Variants in USP35 observed in about 807,000 individuals in gnomAD.
The protein encoded by USP35 is ubiquitin specific peptidase 35.
In USP35, 69 loss-of-function variants were observed where a neutral mutation model predicts 83.8. The observed-to-expected ratio is 0.82, with a 90% CI of 0.68 to 1.01. The LOEUF is 1.01. Ranked by LOEUF, USP35 falls within the 50% of genes least tolerant of loss-of-function variation. The pLI, the probability that USP35 is intolerant of heterozygous loss-of-function variation, is 0.00. For missense variants in USP35, 1,503 were observed against 1,362.5 expected (o/e 1.10, Z -1.62); for synonymous variants, 714 against 589.5 (o/e 1.21, Z -3.06).
the USP35 span, among the ~76,000 whole-genome samples, chr11:78,224,178 T>G: frequency 6.6e-6 from 1 of 152,226 alleles, no homozygotes; most frequent in Non-Finnish European, 1.5e-5. Context: ...TGGCATCCAC[T>G]AATAATTTTT....
the USP35 span, among the ~76,000 whole-genome samples, chr11:78,230,397 A>T: frequency 2.2e-4 from 34 of 152,248 alleles, no homozygotes; most frequent in Non-Finnish European, 1.0e-4. Flanking sequence ...TCCTTGATAC[A>T]TCAACACCTT....
In USP35 at chr11:78,208,877, G is replaced by T. The variant is rs929725812; in HGVS notation, c.1506G>T (p.Glu502Asp). 6.2e-7 allele frequency: 1 copy of T among 1,614,194 alleles called. No individual in the cohort carries two copies. The highest frequency in any genetic ancestry group is 8.5e-7 in the Non-Finnish European group (1 of 1,180,032). The change falls in exon 9 of 11, where the codon GAG (glutamate) becomes GAT (aspartate). Residue 502 changes from glutamate to aspartate, a missense_variant. By Grantham distance (45) the Glu-to-Asp change is conservative. Coordinates refer to ENST00000529308, the MANE Select transcript of USP35 (RefSeq NM_020798.4). ...EHSQRPAISP[E>D]NFLSASWTPW... ...CCTAGCGGCCTGCCATTTCCCCAGA[G>T]AACTTCCTCTCCGCATCCTGGACGC...
chr11:78,212,207 C>T (rs185598431), intron 10 of USP35, among the ~76,000 whole-genome samples: 4 of 152,282 alleles, frequency 2.6e-5, no homozygotes, highest in African/African-American at 9.6e-5. Context: ...ATCTTTTACC[C>T]ATTGCTTGTT....
intron 1 of USP35, among the ~76,000 whole-genome samples, chr11:78,192,172 A>G (rs1863025404): frequency 6.6e-6 from 1 of 152,220 alleles, no homozygotes; most frequent in South Asian, 2.1e-4. Context: ...GGTCACCATG[A>G]CTTTGAAGCA....
chr11:78,219,285 C>T (rs1323644206), downstream of USP35: 1 of 1,613,492 alleles, frequency 6.2e-7, no homozygotes, highest in Non-Finnish European at 8.5e-7. Context: ...CAGCTTGGCA[C>T]CCTTGGAAGG....
At chr11:78,194,171 T>G (rs534300512) in intron 1 of USP35, among the ~76,000 whole-genome samples, 1 of 112,372 alleles carries the variant, frequency 8.9e-6, no homozygotes, top group East Asian at 2.9e-4. Context: ...CACACACTCT[T>G]GGCATGAGAG....
At chr11:78,229,209 GGAT>G in the USP35 span, among the ~76,000 whole-genome samples, 1 of 152,136 alleles carries the variant, frequency 6.6e-6, no homozygotes, top group African/African-American at 2.4e-5. Flanking sequence ...GAGTCTGGAA[GGAT>G]GAGCCACAAC....
chr11:78,219,180 T>G (rs1590934109), downstream of USP35: 1 of 1,186,562 alleles, frequency 8.4e-7, no homozygotes, highest in Non-Finnish European at 1.2e-6. Flanking sequence ...AGAGAGGAGG[T>G]GGATGGGAGG....
At chr11:78,198,654 C>T (rs1863232239) in intron 3 of USP35, 3 of 985,450 alleles carry the variant, frequency 3.0e-6, no homozygotes, top group South Asian at 4.7e-5. Context: ...GTGTGCAGAT[C>T]CACCGTCTTC....
the USP35 span, among the ~76,000 whole-genome samples, chr11:78,236,708 A>G: frequency 2.6e-5 from 4 of 152,240 alleles, no homozygotes; most frequent in African/African-American, 7.2e-5. Flanking sequence ...CTTCCTCTGC[A>G]TCTATTGAGG....
At chr11:78,206,342 A>G (rs1863529946) in intron 7 of USP35, among the ~76,000 whole-genome samples, 1 of 152,210 alleles carries the variant, frequency 6.6e-6, no homozygotes, top group South Asian at 2.1e-4. Context: ...TGTCTTCCAG[A>G]GTAGAACTGC....
intron 3 of USP35, chr11:78,198,729 A>G (rs1863233965): frequency 8.1e-6 from 8 of 982,988 alleles, no homozygotes; most frequent in Admixed American, 6.2e-5. Context: ...GTAAGTTGCT[A>G]GAGGTCAAAT....
the USP35 span, chr11:78,223,344 C>A: frequency 1.5e-6 from 2 of 1,330,852 alleles, no homozygotes; most frequent in East Asian, 2.6e-5. Flanking sequence ...ATCCACATGA[C>A]CCCTAAGCAA....
chr11:78,210,317 G>A lies in USP35; in HGVS notation c.2462G>A (p.Arg821His), dbSNP rs868630350. The A allele has an allele frequency of 2.5e-6, 4 of 1,613,282 alleles. No individual in the cohort carries two copies. The highest frequency in any genetic ancestry group is 3.4e-6 in the Non-Finnish European group (4 of 1,179,932). ...FSFDLRTMRRRKILDDVSIPL... is the reference protein window; with the variant it reads ...FSFDLRTMRRHKILDDVSIPL... ...TTCGACCTGCGCACCATGCGGCGCC[G>A]CAAGATCCTGGATGACGTCTCCATC... The change falls in exon 10 of 11, where the codon CGC becomes CAC. Residue 821 changes from arginine (R) to histidine (H), a missense_variant. By Grantham distance (29) the Arg-to-His change is conservative. Coordinates refer to ENST00000529308, the MANE Select transcript of USP35 (RefSeq NM_020798.4).
intron 3 of USP35, among the ~76,000 whole-genome samples, chr11:78,198,341 T>G (rs1299659623): frequency 6.6e-6 from 1 of 152,224 alleles, no homozygotes; most frequent in East Asian, 1.9e-4. Context: ...CAGCCTCAGT[T>G]TCCCCCTCTG....
At chr11:78,232,324 T>C in the USP35 span, among the ~76,000 whole-genome samples, 1 of 152,228 alleles carries the variant, frequency 6.6e-6, no homozygotes, top group Non-Finnish European at 1.5e-5. Context: ...ATTATGGCTT[T>C]TCAGGGCATG....
intron 6 of USP35, among the ~76,000 whole-genome samples, chr11:78,203,295 C>T (rs913287494): frequency 6.6e-6 from 1 of 151,998 alleles, no homozygotes; most frequent in African/African-American, 2.4e-5. Flanking sequence ...CTGGATGCAT[C>T]GGAGGGGAGG....
chr11:78,233,660 GC>G, the USP35 span, among the ~76,000 whole-genome samples: 1 of 152,088 alleles, frequency 6.6e-6, no homozygotes, highest in Admixed American at 6.5e-5. Flanking sequence ...AAGCTAGAGT[GC>G]AGTGGTGCCA....
rs1370929856 is a variant in USP35, at chr11:78,214,149, C to CA, written c.*337dup. 4.3e-6 allele frequency: 1 copy of CA among 233,804 alleles called. No individual in the cohort carries two copies. The highest frequency in any genetic ancestry group is 2.3e-5 in the African/African-American group (1 of 43,514). The allele number at this position is 233,804 out of a possible 1,614,324, so 14.5% of individuals were successfully genotyped here. On this transcript the variant is annotated 3_prime_UTR_variant, in exon 11 of 11. Coordinates refer to ENST00000529308, the MANE Select transcript of USP35 (RefSeq NM_020798.4). The stretch of plus-strand genomic sequence containing the variant: ...GATGTTCAGGAAACAGGCTAGACCT[C>CA]AGCTCCAATGTTTTGACATCAAGTA...
Sources: allele counts gnomAD v4.1 joint callset (sites outside exome capture counted in the v4.1 genomes callset), GRCh38; gene constraint gnomAD v4.1.1; transcripts MANE v1.5; gene names NCBI Gene and HGNC (gene_info 2026-07-23, HGNC 2026-07-21).